Variants in EPHA6 observed in about 807,000 individuals in gnomAD.
EPHA6 encodes the protein ephrin type-A receptor 6.
Under a neutral mutation model 112.0 loss-of-function variants are expected in EPHA6, and 50 were observed. That is an observed-to-expected ratio of 0.45 (90% confidence interval 0.36 to 0.56). The LOEUF (loss-of-function observed/expected upper bound fraction) is 0.56. Among genes scored for constraint, EPHA6 ranks in the 20% least tolerant of loss-of-function variants. The pLI is 0.00. For missense variants in EPHA6, 1,280 were observed against 1,417.4 expected (o/e 0.90, Z 1.56); for synonymous variants, 529 against 490.7 (o/e 1.08, Z -1.03).
At chr3:97,661,581 A>C (rs2094169918) in intron 14 of EPHA6, among the ~76,000 whole-genome samples, 1 of 152,298 alleles carries the variant, frequency 6.6e-6, no homozygotes, top group South Asian at 2.1e-4. Flanking sequence ...CAAAACTGGG[A>C]GAATTGTAAA....
At chr3:97,020,900 A>G (rs928956) in intron 3 of EPHA6, among the ~76,000 whole-genome samples, 42,902 of 151,294 alleles carry the variant, frequency 0.28, 6,276 homozygotes, top group African/African-American at 0.33. Context: ...CAAAGTCATC[A>G]CCAAGGTTTG....
At chr3:97,224,816 A>G (rs1244516792) in intron 3 of EPHA6, among the ~76,000 whole-genome samples, 4 of 152,100 alleles carry the variant, frequency 2.6e-5, no homozygotes, top group Admixed American at 2.0e-4. Flanking sequence ...CTCCCCATTT[A>G]GATTTATATA....
chr3:97,042,307 C>T (rs1014484491), intron 3 of EPHA6, among the ~76,000 whole-genome samples: 7 of 152,036 alleles, frequency 4.6e-5, no homozygotes, highest in East Asian at 1.9e-4. Flanking sequence ...TTTGCTGTTA[C>T]GTGCCTGCTT....
chr3:97,542,934 A>G (rs1489022662), intron 11 of EPHA6, among the ~76,000 whole-genome samples: 1 of 151,822 alleles, frequency 6.6e-6, no homozygotes. Flanking sequence ...CCACTTTTTG[A>G]TGGGGTTGTT....
At chr3:96,866,454 G>A (rs1315057003) in intron 1 of EPHA6, among the ~76,000 whole-genome samples, 2 of 151,860 alleles carry the variant, frequency 1.3e-5, no homozygotes, top group Non-Finnish European at 2.9e-5. Flanking sequence ...TTTAATACAG[G>A]ATTTTCTTCC....
intron 5 of EPHA6, among the ~76,000 whole-genome samples, chr3:97,366,188 G>A (rs1261615888): frequency 6.6e-6 from 1 of 152,072 alleles, no homozygotes; most frequent in African/African-American, 2.4e-5. Flanking sequence ...TTGATCCTTT[G>A]TATTTCCCTC....
At chr3:97,516,013 A>G (rs1336609889) in intron 10 of EPHA6, among the ~76,000 whole-genome samples, 5 of 151,968 alleles carry the variant, frequency 3.3e-5, no homozygotes, top group African/African-American at 1.2e-4. Flanking sequence ...TTACGGACCT[A>G]GCAATGAAGG....
At position 97,749,256 on chromosome 3, in the gene EPHA6, T is replaced by A. The variant is rs925846575; in HGVS notation, c.*555T>A. On this transcript the variant is annotated 3_prime_UTR_variant, in exon 18 of 18. Coordinates refer to ENST00000389672, the MANE Select transcript of EPHA6 (RefSeq NM_001080448.3). ...TTTGCAGAAATGACCAGTGATATCATGTAATGAATTTTTGTGAGGTATGAC... is the reference window on the plus strand; with the variant it reads ...TTTGCAGAAATGACCAGTGATATCAAGTAATGAATTTTTGTGAGGTATGAC... 4.6e-6 allele frequency: 1 copy of A among 216,522 alleles called. No homozygotes were observed. The highest frequency in any genetic ancestry group is 9.3e-6 in the Non-Finnish European group (1 of 107,556). 13.4% of individuals were successfully genotyped at this position (216,522 alleles called of 1,614,324 possible). A position where few individuals can be genotyped will look rare whatever the true frequency, so the allele number is the denominator to read the frequency against.
At chr3:97,432,336 C>T (rs1029082460) in intron 6 of EPHA6, among the ~76,000 whole-genome samples, 5 of 152,110 alleles carry the variant, frequency 3.3e-5, no homozygotes, top group South Asian at 2.1e-4. Context: ...TATTTAATTA[C>T]GTTCACAACA....
chr3:97,722,346 A>C (rs1298817786), intron 15 of EPHA6, among the ~76,000 whole-genome samples: 1 of 152,174 alleles, frequency 6.6e-6, no homozygotes, highest in African/African-American at 2.4e-5. Flanking sequence ...GAGAACACAT[A>C]TTACATTTGG....
At chr3:97,320,012 A>G (rs2082034662) in intron 5 of EPHA6, among the ~76,000 whole-genome samples, 1 of 152,062 alleles carries the variant, frequency 6.6e-6, no homozygotes, top group South Asian at 2.1e-4. Context: ...AAAATCAAGA[A>G]TTAAAGACCT....
intron 5 of EPHA6, among the ~76,000 whole-genome samples, chr3:97,275,645 A>T (rs1320560765): frequency 6.6e-6 from 1 of 152,196 alleles, no homozygotes; most frequent in Non-Finnish European, 1.5e-5. Context: ...AGGAGAGTTT[A>T]TAGGCTTTAA....
intron 11 of EPHA6, among the ~76,000 whole-genome samples, chr3:97,544,987 A>G (rs2092924183): frequency 6.6e-6 from 1 of 152,048 alleles, no homozygotes; most frequent in South Asian, 2.1e-4. Flanking sequence ...GTGGTCTATC[A>G]ATTTTGTTGA....
intron 3 of EPHA6, among the ~76,000 whole-genome samples, chr3:97,225,449 GA>G (rs1196046119): frequency 6.6e-6 from 1 of 152,140 alleles, no homozygotes; most frequent in African/African-American, 2.4e-5. Context: ...CTTCAATTAT[GA>G]AAATGTTAGC....
At chr3:97,397,217 C>T (rs1465035177) in intron 5 of EPHA6, among the ~76,000 whole-genome samples, 1 of 151,590 alleles carries the variant, frequency 6.6e-6, no homozygotes, top group African/African-American at 2.4e-5. Flanking sequence ...ATTTTATTTT[C>T]TTGCTTTTTT....
At chr3:97,056,837 G>C (rs1319315721) in intron 3 of EPHA6, among the ~76,000 whole-genome samples, 3 of 152,092 alleles carry the variant, frequency 2.0e-5, no homozygotes, top group African/African-American at 7.2e-5. Context: ...TAGGTCTGTT[G>C]TGAGGTATTA....
At chr3:97,099,409 A>C (rs2047339324) in intron 3 of EPHA6, among the ~76,000 whole-genome samples, 1 of 151,820 alleles carries the variant, frequency 6.6e-6, no homozygotes, top group Non-Finnish European at 1.5e-5. Context: ...TTGTCTTTTG[A>C]TATTCACTAA....
chr3:97,644,707 T>C (rs141999558), intron 14 of EPHA6, among the ~76,000 whole-genome samples: 91,631 of 146,484 alleles, frequency 0.63, 29,041 homozygotes, highest in African/African-American at 0.74. Flanking sequence ...ATAAATTCCT[T>C]GACACATACA....
chr3:97,522,540 T>C (rs561342834), intron 10 of EPHA6, among the ~76,000 whole-genome samples: 1 of 152,292 alleles, frequency 6.6e-6, no homozygotes, highest in South Asian at 2.1e-4. Flanking sequence ...CTGGCTTCAG[T>C]ATCAGGGTAA....
Sources: gnomAD v4.1 joint callset for allele counts (sites outside exome capture counted in the v4.1 genomes callset) on GRCh38, gnomAD v4.1.1 for gene constraint, MANE v1.5 for transcripts, NCBI Gene and HGNC (gene_info 2026-07-23, HGNC 2026-07-21) for gene names.